Variants in TNFRSF4 observed in about 807,000 individuals in gnomAD.
TNFRSF4 encodes the protein TNF receptor superfamily member 4.
Under a neutral mutation model 29.5 loss-of-function variants are expected in TNFRSF4, and 21 were observed. The ratio of observed to expected loss-of-function variants is 0.71; its 90% CI spans 0.51 to 1.03. The LOEUF (loss-of-function observed/expected upper bound fraction) is 1.03, where lower values mean the gene tolerates loss of function less well. TNFRSF4 is among the 50% of genes least tolerant of loss of function. TNFRSF4 has a pLI of 0.00. For missense variants in TNFRSF4, 408 were observed against 387.8 expected, an observed-to-expected ratio of 1.05 and a Z score of -0.44; for synonymous variants, 197 against 172.7, an observed-to-expected ratio of 1.14 and a Z score of -1.10.
chr1:1,213,532 G>A (rs568134023), intron 2 of TNFRSF4, 131 bp downstream of exon 2: 56 of 1,466,036 alleles, frequency 3.8e-5, no homozygotes, highest in East Asian at 5.0e-5. Flanking sequence ...CCCCTGTGGC[G>A]GAGCAGACCC....
chr1:1,211,918 C>T, intron 5 of TNFRSF4, 24 bp downstream of exon 5: 1 of 1,521,344 alleles, frequency 6.6e-7, no homozygotes. Flanking sequence ...GGGGGCCCCG[C>T]TGGGCTGGGC....
chr1:1,213,380 A>G, intron 2 of TNFRSF4: 2 of 1,530,582 alleles, frequency 1.3e-6, no homozygotes, highest in Non-Finnish European at 1.8e-6. Context: ...CCATGGCCCA[A>G]CCCCCCAGCC....
Position 1,211,629 on chromosome 1 carries a change from G to T in TNFRSF4, c.764-4C>A, listed in dbSNP as rs1649107363. 1.3e-6 allele frequency: 2 copies of T among 1,556,754 alleles called. No homozygotes were observed. Among genetic ancestry groups the T allele is most frequent in the Non-Finnish European group, 1.7e-6 (2 of 1,153,342 alleles). On this transcript the variant is annotated splice_polypyrimidine_tract_variant and splice_region_variant and intron_variant, in intron 6 of 6. Coordinates refer to ENST00000379236, the MANE Select transcript of TNFRSF4 (RefSeq NM_003327.4). ...GGGGTCCGGAAACTGCCTCCCCCTG[G>T]GGAGGAAAAAAGGAGAGATTGGTGG...
chr1:1,214,020 G>T lies in TNFRSF4; in HGVS notation c.108C>A (p.Tyr36Ter). The part of the protein sequence containing the change: ...VTGLHCVGDT[Y>*]PSNDRCCHEC... ...CGTGGCAGCACCGGTCGTTGCTGGG[G>T]TAGGTGTCCCCGACACAGTGGAGCC... The change falls in exon 1 of 7, where the codon TAC becomes TAA. Residue 36 changes from tyrosine to a stop codon, truncating the protein, a stop_gained. Coordinates refer to ENST00000379236, the MANE Select transcript of TNFRSF4 (RefSeq NM_003327.4). LOFTEE classifies it high-confidence loss of function. This position sits in a 1 kb window ranked among gnomAD's most constrained non-coding sequence, Gnocchi z 4.2. 1 of 1,605,116 alleles carries T rather than the reference G, an allele frequency of 6.2e-7. No homozygotes were observed. Among genetic ancestry groups the T allele is most frequent in the Non-Finnish European group, 8.5e-7 (1 of 1,178,152 alleles).
Position 1,211,798 on chromosome 1 carries a change from C to A in TNFRSF4, c.669G>T (p.Leu223=). Reference sequence around the variant, plus strand: ...CCAGGGGGCCCAGCAGCCCCAGCACCAGGCCCAGGCCCAGGATGGCGGCAA... The same window carrying A: ...CCAGGGGGCCCAGCAGCCCCAGCACAAGGCCCAGGCCCAGGATGGCGGCAA... ...RAVAAILGLG[L]VLGLLGPLAI... is the part of the protein sequence containing the mutation. Residue 223 remains leucine (L), a synonymous_variant, in exon 6 of 7, where the codon CTG becomes CTT. Coordinates refer to ENST00000379236, the MANE Select transcript of TNFRSF4 (RefSeq NM_003327.4). 6.4e-7 allele frequency: 1 copy of A among 1,554,458 alleles called. No homozygotes were observed. Among genetic ancestry groups the A allele is most frequent in the Non-Finnish European group, 8.7e-7 (1 of 1,153,136 alleles).
chr1:1,211,660 C>A (rs1649112116), intron 6 of TNFRSF4, 35 bp from the exon 7 acceptor site: 3 of 1,567,178 alleles, frequency 1.9e-6, no homozygotes, highest in Non-Finnish European at 2.6e-6. Flanking sequence ...GGTGGGTGGG[C>A]CTCACCCGCC....
At position 1,213,502 on chromosome 1, in the gene TNFRSF4, C is replaced by G. The variant is rs930143586; in HGVS notation, c.268+161G>C. On this transcript the variant is annotated intron_variant, in intron 2 of 6. Transcript: ENST00000379236. Reference sequence around the variant, plus strand: ...AGGGAGAGGGGGTGCCCCTGGGAGACGCCTCAGCTCCTCGAAGGACCCCTG... The same window carrying G: ...AGGGAGAGGGGGTGCCCCTGGGAGAGGCCTCAGCTCCTCGAAGGACCCCTG... The G allele has an allele frequency of 2.0e-6, 3 of 1,463,958 alleles. No individual in the cohort carries two copies. In the Admixed American group the frequency reaches 7.7e-5, roughly 38 times the overall value. 90.7% of individuals were successfully genotyped at this position (1,463,958 alleles called of 1,614,324 possible). A position where few individuals can be genotyped will look rare whatever the true frequency, so the allele number is the denominator to read the frequency against.
chr1:1,211,939 T>A lies in TNFRSF4; in HGVS notation c.634+3A>T. On this transcript the variant is annotated splice_donor_region_variant and intron_variant, in intron 5 of 6. Coordinates refer to ENST00000379236, the MANE Select transcript of TNFRSF4 (RefSeq NM_003327.4). The stretch of plus-strand genomic sequence containing the variant: ...CCCGCTGGGCTGGGCCAGGCGCCCT[T>A]ACCCCCGGGGACCTCCACGGGCCGG... 1 of 1,552,938 alleles carries A rather than the reference T, an allele frequency of 6.4e-7. No individual in the cohort carries two copies. The highest frequency in any genetic ancestry group is 1.2e-5 in the South Asian group (1 of 83,998).
At chr1:1,213,936 C>A in intron 1 of TNFRSF4, 47 bp downstream of exon 1, 1 of 1,529,206 alleles carries the variant, frequency 6.5e-7, no homozygotes, top group East Asian at 2.3e-5. Flanking sequence ...GCCCCAGCCC[C>A]CAGTCCCTGG....
At chr1:1,212,603 C>CG in intron 4 of TNFRSF4, 35 bp downstream of exon 4, 1 of 1,217,436 alleles carries the variant, frequency 8.2e-7, no homozygotes, top group East Asian at 3.4e-5. Flanking sequence ...CCAACCCCCC[C>CG]CCAGCCCCTC....
chr1:1,212,101 T>C lies in TNFRSF4; in HGVS notation c.475A>G (p.Ser159Gly), dbSNP rs1330252293. 1 of 1,612,524 alleles carries C rather than the reference T, an allele frequency of 6.2e-7. No individual in the cohort carries two copies. Among genetic ancestry groups the C allele is most frequent in the East Asian group, 2.2e-5 (1 of 44,894 alleles). ...LAGKHTLQPASNSSDAICEDR... is the reference protein window; with the variant it reads ...LAGKHTLQPAGNSSDAICEDR... ...TCACAGATTGCGTCCGAGCTATTGC[T>C]GGCCGGCTGCAGGGTGTGCTTCCCA... The change falls in exon 5 of 7, where the codon AGC becomes GGC. Residue 159 changes from serine (S) to glycine (G), a missense_variant. Ser to Gly is a moderately conservative substitution (Grantham distance 56). Coordinates refer to ENST00000379236, the MANE Select transcript of TNFRSF4 (RefSeq NM_003327.4).
chr1:1,213,557 G>T, intron 2 of TNFRSF4, 106 bp downstream of exon 2: 5 of 1,475,814 alleles, frequency 3.4e-6, no homozygotes, highest in Non-Finnish European at 4.5e-6. Flanking sequence ...GTGGTTTGAG[G>T]TTCGTTTCTG....
Position 1,213,674 on chromosome 1 carries a change from C to A in TNFRSF4, c.257G>T (p.Trp86Leu). The A allele has an allele frequency of 6.3e-7, 1 of 1,592,496 alleles. No homozygotes were observed. The highest frequency in any genetic ancestry group is 8.5e-7 in the Non-Finnish European group (1 of 1,170,460). The change falls in exon 2 of 7, where the codon TGG (tryptophan) becomes TTG (leucine). Residue 86 changes from tryptophan (W) to leucine (L), a missense_variant. Transcript: ENST00000379236. ...VSSKPCKPCT[W>L]CNLRSGSERK... is the part of the protein sequence containing the mutation. ...AGGTGGGAGCTCACTGAGGTTACAC[C>A]ACGTGCAGGGCTTGCACGGCTTGGA...
chr1:1,211,858 G>A, intron 5 of TNFRSF4, 26 bp from the exon 6 acceptor site: 1 of 1,524,698 alleles, frequency 6.6e-7, no homozygotes, highest in Non-Finnish European at 8.8e-7. Context: ...TGCTGGGTGG[G>A]GTCCACAGGA....
chr1:1,211,484 G>A lies in TNFRSF4; in HGVS notation c.*71C>T. ...GTGGCGGGGCAGGCGGCCTGCACCT[G>A]CCCTGCTCGCCCAGCAGACCCTCCG... is the stretch of plus-strand genomic sequence containing the variant. On this transcript the variant is annotated 3_prime_UTR_variant, in exon 7 of 7. Coordinates refer to ENST00000379236, the MANE Select transcript of TNFRSF4 (RefSeq NM_003327.4). The A allele has an allele frequency of 7.1e-7, 1 of 1,405,538 alleles. No homozygotes were observed. The highest frequency in any genetic ancestry group is 2.7e-5 in the East Asian group (1 of 36,776). The allele number at this position is 1,405,538 out of a possible 1,614,324, so 87.1% of individuals were successfully genotyped here. A position where few individuals can be genotyped will look rare whatever the true frequency, so the allele number is the denominator to read the frequency against.
At chr1:1,213,385 C>T (rs533670044) in intron 2 of TNFRSF4, 6 of 1,532,568 alleles carry the variant, frequency 3.9e-6, no homozygotes, top group Non-Finnish European at 4.4e-6. Flanking sequence ...GCCCAACCCC[C>T]CAGCCTCACT....
At chr1:1,213,507 C>T (rs1048624403) in intron 2 of TNFRSF4, 156 bp downstream of exon 2, 23 of 1,466,230 alleles carry the variant, frequency 1.6e-5, no homozygotes, top group Admixed American at 7.5e-5. Context: ...GGAGACGCCT[C>T]AGCTCCTCGA....
At chr1:1,212,516 T>TGC in intron 4 of TNFRSF4, 122 bp downstream of exon 4, 2 of 425,604 alleles carry the variant, frequency 4.7e-6, no homozygotes, top group East Asian at 6.6e-5. Context: ...CACCTCCCCT[T>TGC]CCCCCAAAAC....
intron 2 of TNFRSF4, 160 bp downstream of exon 2, chr1:1,213,503 G>A (rs774292907): frequency 2.2e-5 from 32 of 1,464,380 alleles, no homozygotes; most frequent in Non-Finnish European, 2.3e-5. Flanking sequence ...CCTGGGAGAC[G>A]CCTCAGCTCC....
Sources: allele counts gnomAD v4.1 joint callset, GRCh38; gene constraint gnomAD v4.1.1; non-coding constraint Gnocchi (gnomAD v3.1); transcripts MANE v1.5; gene names NCBI Gene and HGNC (gene_info 2026-07-23, HGNC 2026-07-21).